The following ATP8A1 variants were observed in gnomAD, a reference collection of about 807,000 sequenced individuals.
ATP8A1 encodes ATPase phospholipid transporting 8A1.
A neutral mutation model predicts 177.7 loss-of-function variants in ATP8A1; 90 were observed. The observed-to-expected ratio is 0.51, with a 90% confidence interval of 0.43 to 0.60. The LOEUF is 0.60. Ranked by LOEUF, ATP8A1 falls within the 20% of genes least tolerant of loss-of-function variation. The probability of loss-of-function intolerance (pLI) is 0.00; values close to 1 mark genes in which losing one functional copy is unlikely to be tolerated. For synonymous variants in ATP8A1, 493 were observed against 485.9 expected (o/e 1.01, Z -0.19); for missense variants, 1,072 against 1,392.8 (o/e 0.77, Z 3.67).
At chr4:42,470,016 T>G (rs776630367) in intron 25 of ATP8A1, among the ~76,000 whole-genome samples, 9 of 152,368 alleles carry the variant, frequency 5.9e-5, no homozygotes, top group Non-Finnish European at 1.2e-4. Context: ...TCCCTGAGAT[T>G]GTTTTATTTT....
intron 24 of ATP8A1, among the ~76,000 whole-genome samples, chr4:42,498,572 G>A (rs73235586): frequency 0.13 from 20,179 of 152,094 alleles, 1,690 homozygotes; most frequent in East Asian, 0.26. Flanking sequence ...CCTACAGCTG[G>A]TTTGGGGTCA....
At chr4:42,644,759 C>A (rs1238285046) in intron 1 of ATP8A1, among the ~76,000 whole-genome samples, 2 of 151,384 alleles carry the variant, frequency 1.3e-5, no homozygotes, top group Non-Finnish European at 2.9e-5. Flanking sequence ...CAAATATTGG[C>A]CTCATCTCAG....
chr4:42,518,359 T>C (rs2153197416), intron 22 of ATP8A1, among the ~76,000 whole-genome samples: 1 of 152,352 alleles, frequency 6.6e-6, no homozygotes, highest in Middle Eastern at 3.4e-3. Context: ...GGCACAATGA[T>C]GTACTGATCT....
chr4:42,565,944 G>T, intron 15 of ATP8A1, among the ~76,000 whole-genome samples: 1 of 152,106 alleles, frequency 6.6e-6, no homozygotes, highest in Non-Finnish European at 1.5e-5. Flanking sequence ...TAATAAAAAG[G>T]AATTAATCTG....
chr4:42,420,773 T>C lies in ATP8A1; in HGVS notation c.3305+2034A>G, dbSNP rs1028226765. Reference sequence around the variant, plus strand: ...CACAATTTCATGAGCTAGAACTCTTTTTTTTTTTTTTTTGAGACAGAGTCT... The same window carrying C: ...CACAATTTCATGAGCTAGAACTCTTCTTTTTTTTTTTTTGAGACAGAGTCT... On this transcript the variant is annotated intron_variant, in intron 35 of 36. Coordinates refer to ENST00000381668, the MANE Select transcript of ATP8A1 (RefSeq NM_006095.2). 4.5e-4 allele frequency among the ~76,000 whole-genome samples: 67 copies of C among 148,508 alleles called. 1 individual carries two copies. Among genetic ancestry groups the C allele is most frequent in the African/African-American group, 1.2e-3 (49 of 40,644 alleles).
intron 13 of ATP8A1, 107 bp from the exon 14 acceptor site, chr4:42,574,814 A>G (rs1430403750): frequency 1.4e-6 from 1 of 690,672 alleles, no homozygotes; most frequent in Non-Finnish European, 2.4e-6. Flanking sequence ...CACAATGAAT[A>G]TTACTAAGGA....
chr4:42,479,670 CTGCA>C (rs1465981501), intron 25 of ATP8A1, among the ~76,000 whole-genome samples: 1 of 152,134 alleles, frequency 6.6e-6, no homozygotes, highest in Non-Finnish European at 1.5e-5. Context: ...CTACAGAGCA[CTGCA>C]TTTAAAATTT....
At chr4:42,619,261 G>A (rs4861207) in intron 4 of ATP8A1, among the ~76,000 whole-genome samples, 89,356 of 151,820 alleles carry the variant, frequency 0.59, 26,295 homozygotes, top group South Asian at 0.67. Context: ...TGGTTCCTAC[G>A]CATTGTAGGC....
intron 32 of ATP8A1, among the ~76,000 whole-genome samples, chr4:42,444,270 G>GA (rs1388096487): frequency 2.6e-5 from 4 of 152,270 alleles, no homozygotes; most frequent in African/African-American, 9.6e-5. Context: ...ACACCTCTAA[G>GA]AAAAGACTTG....
At chr4:42,420,545 T>C (rs1164549000) in intron 35 of ATP8A1, among the ~76,000 whole-genome samples, 1 of 152,190 alleles carries the variant, frequency 6.6e-6, no homozygotes, top group East Asian at 1.9e-4. Flanking sequence ...AATCACTGAA[T>C]GTTTAGGACC....
intron 1 of ATP8A1, among the ~76,000 whole-genome samples, chr4:42,642,442 A>G (rs1740094162): frequency 6.6e-6 from 1 of 152,194 alleles, no homozygotes; most frequent in African/African-American, 2.4e-5. Flanking sequence ...AAAGTAAGGA[A>G]TGGTCGGCAT....
chr4:42,602,789 T>C (rs945220007), intron 5 of ATP8A1, among the ~76,000 whole-genome samples: 15 of 141,664 alleles, frequency 1.1e-4, no homozygotes, highest in Admixed American at 8.5e-4. Flanking sequence ...TAAAATAAAA[T>C]TAAAATAAAT....
rs781459056 is a variant in ATP8A1, at chr4:42,549,054, C to T, written c.1611G>A (p.Gln537=). 1 of 1,610,802 alleles carries T rather than the reference C, an allele frequency of 6.2e-7. No homozygotes were observed. The highest frequency in any genetic ancestry group is 1.1e-5 in the South Asian group (1 of 90,660). ...CATTGAGCAATTCATATCTTTCTTC[C>T]TGCCCCAGCTAAGAAGAAAAGGAAT... The part of the protein sequence containing the change: ...PDSVIIDSLG[Q]EERYELLNVL... The change falls in exon 19 of 37, where the codon CAG becomes CAA. Residue 537 remains glutamine, a synonymous_variant. Transcript: ENST00000381668.
rs1578099931 is a variant in ATP8A1, at chr4:42,522,255, C to T, written c.1852G>A (p.Asp618Asn). 2.5e-6 allele frequency: 4 copies of T among 1,613,720 alleles called. No homozygotes were observed. Among genetic ancestry groups the T allele is most frequent in the Non-Finnish European group, 2.5e-6 (3 of 1,179,878 alleles). Residue 618 changes from aspartate to asparagine, a missense_variant, in exon 22 of 37, where the codon GAC becomes AAC. Asp to Asn is a conservative substitution (Grantham distance 23). This residue lies in a region of ATP8A1 where 388 missense variants were observed against 471.7 expected (regional missense o/e 0.82). Coordinates refer to ENST00000381668, the MANE Select transcript of ATP8A1 (RefSeq NM_006095.2). ...TAGACTGCTCGCCACTCCTGAAAGT[C>T]GCTCTCTGAAATCTCAGCCACAGCA... is the stretch of plus-strand genomic sequence containing the variant. ...CFAVAEISES[D>N]FQEWRAVYQR... is the part of the protein sequence containing the mutation.
intron 5 of ATP8A1, among the ~76,000 whole-genome samples, chr4:42,613,062 C>T (rs1736531875): frequency 2.0e-5 from 3 of 152,190 alleles, no homozygotes; most frequent in African/African-American, 4.8e-5. Flanking sequence ...TATACACCCA[C>T]TTCTGCCTCA....
At chr4:42,599,539 A>T (rs1228774619) in intron 6 of ATP8A1, among the ~76,000 whole-genome samples, 1 of 152,218 alleles carries the variant, frequency 6.6e-6, no homozygotes, top group African/African-American at 2.4e-5. Flanking sequence ...TCTCTATTCT[A>T]GCCACTGATT....
At chr4:42,610,159 A>ATT (rs375207042) in intron 5 of ATP8A1, among the ~76,000 whole-genome samples, 6 of 142,496 alleles carry the variant, frequency 4.2e-5, no homozygotes, top group South Asian at 2.2e-4. Context: ...TTGGCCCTTA[A>ATT]TTTTTTTTTT....
intron 24 of ATP8A1, among the ~76,000 whole-genome samples, chr4:42,498,061 C>T (rs1274442150): frequency 1.3e-5 from 2 of 152,188 alleles, no homozygotes; most frequent in Non-Finnish European, 2.9e-5. Context: ...AGCACCAATG[C>T]TGGCAGTGGA....
intron 27 of ATP8A1, among the ~76,000 whole-genome samples, chr4:42,462,280 C>T (rs1167442861): frequency 1.3e-5 from 2 of 152,212 alleles, no homozygotes; most frequent in African/African-American, 2.4e-5. Context: ...CATGGCAGCC[C>T]CTTCCATCAC....
Sources: gnomAD v4.1 joint callset for allele counts (sites outside exome capture counted in the v4.1 genomes callset) on GRCh38, gnomAD v4.1.1 for gene constraint, gnomAD v4.1.1 regional missense constraint, MANE v1.5 for transcripts, NCBI Gene and HGNC (gene_info 2026-07-23, HGNC 2026-07-21) for gene names.